FSIP2: variants seen among roughly 807,000 people sequenced by gnomAD.
The protein encoded by FSIP2 is fibrous sheath-interacting protein 2.
In FSIP2, 367 loss-of-function variants were observed where a neutral mutation model predicts 510.5. The observed-to-expected ratio is 0.72, with a 90% CI of 0.66 to 0.78. FSIP2 has a LOEUF of 0.78. Ranked by LOEUF, FSIP2 falls within the 30% of genes least tolerant of loss-of-function variation. The pLI is 0.00. For synonymous variants in FSIP2, 2,601 were observed against 2,732.2 expected (o/e 0.95, Z 1.50); for missense variants, 7,594 against 7,901.7 (o/e 0.96, Z 1.48).
intron 1 of FSIP2, 107 bp downstream of exon 1, chr2:185,739,100 C>G: frequency 7.4e-7 from 1 of 1,359,938 alleles, no homozygotes; most frequent in Non-Finnish European, 9.7e-7. Context: ...AACTGTCCCC[C>G]GTCAGGAGGC....
At chr2:185,746,831 A>C in intron 6 of FSIP2, 21 bp downstream of exon 6, 1 of 1,468,494 alleles carries the variant, frequency 6.8e-7, no homozygotes, top group Non-Finnish European at 9.0e-7. Flanking sequence ...ACAACTTTAA[A>C]ATATTAACAG....
At chr2:185,816,157 AT>A (rs1246675385) in intron 19 of FSIP2, among the ~76,000 whole-genome samples, 1 of 151,300 alleles carries the variant, frequency 6.6e-6, no homozygotes, top group African/African-American at 2.4e-5. Context: ...AACATTTTTT[AT>A]TTGGGGAGAA....
Position 185,801,300 on chromosome 2 carries a change from C to T in FSIP2, c.11994C>T (p.Ile3998=). The change falls in exon 17 of 23, where the codon ATC becomes ATT. Residue 3998 remains isoleucine (I), a synonymous_variant. Coordinates refer to ENST00000424728, the MANE Select transcript of FSIP2 (RefSeq NM_173651.4). Reference sequence around the variant, plus strand: ...CATTGTGGGGCAAAAATAAAAACATCACTGTGTCCTGGCTCAATGAGATGA... The same window carrying T: ...CATTGTGGGGCAAAAATAAAAACATTACTGTGTCCTGGCTCAATGAGATGA... ...SMSLWGKNKN[I]TVSWLNEMNT... The T allele has an allele frequency of 6.5e-7, 1 of 1,533,498 alleles. No individual in the cohort carries two copies. Among genetic ancestry groups the T allele is most frequent in the Non-Finnish European group, 8.7e-7 (1 of 1,145,212 alleles). 95.0% of individuals were successfully genotyped at this position (1,533,498 alleles called of 1,614,324 possible).
At position 185,795,065 on chromosome 2, in the gene FSIP2, T is replaced by C; in HGVS notation, c.7929T>C (p.Phe2643=). 1 of 1,534,802 alleles carries C rather than the reference T, an allele frequency of 6.5e-7. No homozygotes were observed. Among genetic ancestry groups the C allele is most frequent in the Non-Finnish European group, 8.7e-7 (1 of 1,146,038 alleles). The part of the protein sequence containing the change: ...IQMVLNKITN[F]VSLPLKVSPK... ...TGGTTCTCAATAAGATCACAAATTT[T>C]GTCTCACTTCCTTTAAAGGTGAGCC... The change falls in exon 16 of 23, where the codon TTT becomes TTC. Residue 2643 remains phenylalanine, a synonymous_variant. Coordinates refer to ENST00000424728, the MANE Select transcript of FSIP2 (RefSeq NM_173651.4).
At position 185,806,689 on chromosome 2, in the gene FSIP2, G is replaced by T. The variant is rs1365595646; in HGVS notation, c.17383G>T (p.Val5795Phe). 3.1e-6 allele frequency: 5 copies of T among 1,603,038 alleles called. No individual in the cohort carries two copies. The highest frequency in any genetic ancestry group is 4.3e-6 in the Non-Finnish European group (5 of 1,176,274). ...KFLEDVITEM[V>F]KQLIFSSIPE... ...TTTAGAAGATGTTATTACTGAGATG[G>T]TTAAACAATTGATCTTTTCTTCTAT... The change falls in exon 17 of 23, where the codon GTT (valine) becomes TTT (phenylalanine). Residue 5795 changes from valine to phenylalanine, a missense_variant. Val to Phe is a conservative substitution (Grantham distance 50). Transcript: ENST00000424728.
intron 13 of FSIP2, among the ~76,000 whole-genome samples, chr2:185,769,980 G>C (rs920816622): frequency 6.6e-5 from 10 of 152,160 alleles, no homozygotes; most frequent in Non-Finnish European, 1.2e-4. Flanking sequence ...TAGACCTGTA[G>C]TATACTTTGA....
At chr2:185,797,726 T>A in intron 16 of FSIP2, 200 bp downstream of exon 16, 1 of 580,820 alleles carries the variant, frequency 1.7e-6, no homozygotes, top group Non-Finnish European at 3.1e-6. Flanking sequence ...AGTGTCTCTG[T>A]CACTGAGGCT....
At position 185,796,723 on chromosome 2, in the gene FSIP2, T is replaced by G; in HGVS notation, c.9587T>G (p.Met3196Arg). 6.5e-7 allele frequency: 1 copy of G among 1,535,062 alleles called. No individual in the cohort carries two copies. The highest frequency in any genetic ancestry group is 1.2e-5 in the South Asian group (1 of 84,030). Residue 3196 changes from methionine (M) to arginine (R), a missense_variant, in exon 16 of 23, where the codon ATG becomes AGG. Transcript: ENST00000424728. ...TTTGTGTTTTGTTCAGATGAAGATA[T>G]GAAAGAAAAGTACAGGGTTTCATCA... ...TGFVFCSDEDMKEKYRVSSDL... is the reference protein window; with the variant it reads ...TGFVFCSDEDRKEKYRVSSDL...
chr2:185,811,051 T>C (rs1347414185), intron 17 of FSIP2, among the ~76,000 whole-genome samples: 1 of 152,070 alleles, frequency 6.6e-6, no homozygotes, highest in Non-Finnish European at 1.5e-5. Flanking sequence ...AAATGAAACA[T>C]TCAAGATGTG....
chr2:185,809,702 C>T (rs1399415344), intron 17 of FSIP2, among the ~76,000 whole-genome samples: 2 of 151,908 alleles, frequency 1.3e-5, no homozygotes, highest in African/African-American at 4.8e-5. Flanking sequence ...TCCCATTTGC[C>T]CTGGCCTCTC....
intron 11 of FSIP2, 108 bp from the exon 12 acceptor site, chr2:185,763,075 T>A: frequency 1.6e-6 from 1 of 612,826 alleles, no homozygotes; most frequent in Non-Finnish European, 2.9e-6. Context: ...TTCTAGTCAC[T>A]GTGGCAGCTG....
chr2:185,825,344 C>G (rs1160364479), intron 20 of FSIP2, among the ~76,000 whole-genome samples: 1 of 151,670 alleles, frequency 6.6e-6, no homozygotes, highest in Admixed American at 6.6e-5. Flanking sequence ...GAAACTCAAG[C>G]TGAGGGTAAG....
chr2:185,764,509 C>T lies in FSIP2; in HGVS notation c.1355C>T (p.Thr452Ile). ...CTGTTGTGAATTATGTAGAAGGAGA[C>T]AAATGCTGATTGGGATGGAAGACCA... ...FLDPSKEEKETNADWDGRPTK... is the reference protein window; with the variant it reads ...FLDPSKEEKEINADWDGRPTK... Residue 452 changes from threonine (T) to isoleucine (I), a missense_variant, in exon 13 of 23, where the codon ACA (threonine) becomes ATA (isoleucine). Coordinates refer to ENST00000424728, the MANE Select transcript of FSIP2 (RefSeq NM_173651.4). 1 of 1,529,734 alleles carries T rather than the reference C, an allele frequency of 6.5e-7. No individual in the cohort carries two copies. The highest frequency in any genetic ancestry group is 1.7e-4 in the Middle Eastern group (1 of 5,964). The allele number at this position is 1,529,734 out of a possible 1,614,324, so 94.8% of individuals were successfully genotyped here.
In FSIP2 at chr2:185,793,219, C is replaced by T. The variant is rs1004455483; in HGVS notation, c.6083C>T (p.Thr2028Ile). 3 of 1,533,716 alleles carry T rather than the reference C, an allele frequency of 2.0e-6. No homozygotes were observed. The South Asian group carries it at 3.6e-5, about 18-fold the overall frequency. ...LDKERENPFL[T>I]HDIGISESIA... ...AAAGAAAGGGAAAATCCTTTTTTAA[C>T]TCATGACATTGGGATTTCTGAAAGT... Residue 2028 changes from threonine (T) to isoleucine (I), a missense_variant, in exon 16 of 23, where the codon ACT becomes ATT. Coordinates refer to ENST00000424728, the MANE Select transcript of FSIP2 (RefSeq NM_173651.4).
At chr2:185,756,421 A>G (rs2105549162) in intron 9 of FSIP2, 143 bp downstream of exon 9, 1 of 410,456 alleles carries the variant, frequency 2.4e-6, no homozygotes, top group South Asian at 6.2e-5. Flanking sequence ...GACGCTTATC[A>G]AGAGCTATGT....
At chr2:185,775,669 T>G (rs1692701584) in intron 13 of FSIP2, among the ~76,000 whole-genome samples, 2 of 152,122 alleles carry the variant, frequency 1.3e-5, no homozygotes, top group South Asian at 2.1e-4. Context: ...TGTTTGTTTG[T>G]TTTTGTTTTG....
rs1354748609 is a variant in FSIP2, at chr2:185,792,296, A to G, written c.5160A>G (p.Gly1720=). 3 of 1,531,548 alleles carry G rather than the reference A, an allele frequency of 2.0e-6. No individual in the cohort carries two copies. The South Asian group carries it at 3.6e-5, about 18-fold the overall frequency. The allele number at this position is 1,531,548 out of a possible 1,614,324, so 94.9% of individuals were successfully genotyped here. A position where few individuals can be genotyped will look rare whatever the true frequency, so the allele number is the denominator to read the frequency against. ...CAACATATGGAAGTCTTCCTGGAGG[A>G]GCTGAATCAGATTCATTTCTAGAAG... ...YRPTYGSLPG[G]AESDSFLEDD... is the part of the protein sequence containing the mutation. The change falls in exon 16 of 23, where the codon GGA becomes GGG. Residue 1720 remains glycine (G), a synonymous_variant. Coordinates refer to ENST00000424728, the MANE Select transcript of FSIP2 (RefSeq NM_173651.4).
At position 185,795,004 on chromosome 2, in the gene FSIP2, A is replaced by G. The variant is rs1283783876; in HGVS notation, c.7868A>G (p.Tyr2623Cys). Residue 2623 changes from tyrosine (Y) to cysteine (C), a missense_variant, in exon 16 of 23, where the codon TAT becomes TGT. Coordinates refer to ENST00000424728, the MANE Select transcript of FSIP2 (RefSeq NM_173651.4). ...ISVMENTLLP[Y>C]LPLQVKKDLI... ...GTGATGGAAAACACTCTTTTGCCAT[A>G]TTTACCATTGCAAGTGAAGAAAGAC... The G allele has an allele frequency of 1.3e-6, 2 of 1,533,914 alleles. No individual in the cohort carries two copies. The highest frequency in any genetic ancestry group is 2.4e-5 in the South Asian group (2 of 83,814).
Position 185,788,736 on chromosome 2 carries a change from T to A in FSIP2, c.1600T>A (p.Tyr534Asn). Residue 534 changes from tyrosine to asparagine, a missense_variant, in exon 16 of 23, where the codon TAT (tyrosine) becomes AAT (asparagine). Coordinates refer to ENST00000424728, the MANE Select transcript of FSIP2 (RefSeq NM_173651.4). ...TATATTGTACCCAGCCATCACAAAG[T>A]ATGAAAAAAGATTGCAAAATAATAC... ...TSILYPAITK[Y>N]EKRLQNNTYP... 1 of 1,533,996 alleles carries A rather than the reference T, an allele frequency of 6.5e-7. No homozygotes were observed. Among genetic ancestry groups the A allele is most frequent in the Non-Finnish European group, 8.7e-7 (1 of 1,145,380 alleles).
Sources: allele counts gnomAD v4.1 joint callset (sites outside exome capture counted in the v4.1 genomes callset), GRCh38; gene constraint gnomAD v4.1.1; transcripts MANE v1.5; gene names NCBI Gene and HGNC (gene_info 2026-07-23, HGNC 2026-07-21).